Variants in GPCPD1 observed in about 807,000 individuals in gnomAD.
The protein encoded by GPCPD1 is glycerophosphocholine phosphodiesterase 1, also known as glycerophosphocholine phosphodiesterase GPCPD1.
In GPCPD1, 29 loss-of-function variants were observed where a neutral mutation model predicts 89.2. The observed-to-expected ratio is 0.33, with a 90% CI of 0.24 to 0.44. The LOEUF (loss-of-function observed/expected upper bound fraction) is 0.44, where lower values mean the gene tolerates loss of function less well. Ranked by LOEUF, GPCPD1 falls within the 20% of genes least tolerant of loss-of-function variation. The pLI is 1.00. For synonymous variants in GPCPD1, 258 were observed against 266.3 expected, an observed-to-expected ratio of 0.97 and a Z score of 0.30; for missense variants, 594 against 808.9, an observed-to-expected ratio of 0.73 and a Z score of 3.22.
intron 11 of GPCPD1, among the ~76,000 whole-genome samples, chr20:5,571,282 C>T (rs1600740457): frequency 6.6e-6 from 1 of 152,280 alleles, no homozygotes; most frequent in East Asian, 1.9e-4. Context: ...ACCCTTTCTA[C>T]CAAAGAGGAC....
chr20:5,554,649 C>T (rs1179381404), intron 19 of GPCPD1, among the ~76,000 whole-genome samples: 2 of 152,198 alleles, frequency 1.3e-5, no homozygotes, highest in African/African-American at 4.8e-5. Flanking sequence ...TGCACCTGGT[C>T]ACCCAAGAAC....
chr20:5,547,008 T>C lies in GPCPD1; in HGVS notation c.*653A>G, dbSNP rs547885300. ...ATACATTAAATTACCCTGCAGCATT[T>C]TGAAATTTTAACATTGATGTAAAAC... On this transcript the variant is annotated 3_prime_UTR_variant, in exon 20 of 20. Coordinates refer to ENST00000379019, the MANE Select transcript of GPCPD1 (RefSeq NM_019593.5). 3 of 152,804 alleles carry C rather than the reference T, an allele frequency of 2.0e-5. No homozygotes were observed. The highest frequency in any genetic ancestry group is 3.4e-3 in the Middle Eastern group (1 of 294). The allele number at this position is 152,804 out of a possible 1,614,324, so 9.5% of individuals were successfully genotyped here. A position where few individuals can be genotyped will look rare whatever the true frequency, so the allele number is the denominator to read the frequency against.
chr20:5,571,319 A>C (rs1435844093), intron 11 of GPCPD1, among the ~76,000 whole-genome samples: 1 of 152,258 alleles, frequency 6.6e-6, no homozygotes, highest in Non-Finnish European at 1.5e-5. Context: ...AAGTAGTTCT[A>C]ACTATTAAAC....
intron 5 of GPCPD1, chr20:5,585,562 A>G (rs991900063): frequency 6.6e-6 from 1 of 151,698 alleles, no homozygotes; most frequent in African/African-American, 2.4e-5. Flanking sequence ...ATGAAGAGAA[A>G]TGCCATATTT....
intron 7 of GPCPD1, among the ~76,000 whole-genome samples, chr20:5,579,690 C>A (rs750002371): frequency 3.3e-5 from 5 of 152,122 alleles, no homozygotes; most frequent in African/African-American, 7.2e-5. Context: ...CCAACACGCC[C>A]GACACATTAT....
intron 1 of GPCPD1, among the ~76,000 whole-genome samples, chr20:5,609,923 G>C (rs908432415): frequency 6.6e-5 from 10 of 152,170 alleles, no homozygotes; most frequent in Admixed American, 5.2e-4. Flanking sequence ...CGTAGCAAGG[G>C]GAAGCATGAC....
At chr20:5,585,030 AAGTTTC>A (rs1210366421) in intron 5 of GPCPD1, 4 of 152,212 alleles carry the variant, frequency 2.6e-5, no homozygotes, top group Non-Finnish European at 5.9e-5. Context: ...ATTCTCTGGT[AAGTTTC>A]ACACAGCTTT....
At chr20:5,588,855 A>G (rs1979125185) in intron 4 of GPCPD1, among the ~76,000 whole-genome samples, 1 of 140,564 alleles carries the variant, frequency 7.1e-6, no homozygotes, top group Non-Finnish European at 1.7e-5. Context: ...AAAGAAAAAG[A>G]AAAGGGTGCT....
intron 2 of GPCPD1, among the ~76,000 whole-genome samples, chr20:5,603,988 C>T (rs147828925): frequency 0.034 from 5,211 of 152,174 alleles, 179 homozygotes; most frequent in African/African-American, 0.086. Context: ...CTCAAGTGAT[C>T]TACCCGCCTC....
intron 12 of GPCPD1, among the ~76,000 whole-genome samples, 175 bp downstream of exon 12, chr20:5,569,972 A>T (rs755662): frequency 0.54 from 82,585 of 151,922 alleles, 22,680 homozygotes; most frequent in East Asian, 0.63. Context: ...AGTATTCCCA[A>T]CTCATCACTG....
At chr20:5,582,603 T>C (rs781497610) in intron 6 of GPCPD1, among the ~76,000 whole-genome samples, 2 of 152,276 alleles carry the variant, frequency 1.3e-5, no homozygotes, top group Non-Finnish European at 2.9e-5. Flanking sequence ...AAAATGAGGA[T>C]GCAGGCTGGG....
In GPCPD1 at chr20:5,598,745, T is replaced by C. The variant is rs370749780; in HGVS notation, c.126A>G (p.Pro42=). The C allele has an allele frequency of 6.2e-7, 1 of 1,609,522 alleles. No homozygotes were observed. Among genetic ancestry groups the C allele is most frequent in the African/African-American group, 1.3e-5 (1 of 74,854 alleles). ...CTCACCTTTCACCTGTGTCATTCTC[T>C]GGAAGAAGAGCCACAGCATTTTGAG... ...WNPQNAVALL[P]ENDTGESMLW... is the part of the protein sequence containing the mutation. The change falls in exon 3 of 20, where the codon CCA becomes CCG. Residue 42 remains proline (P), a synonymous_variant. Transcript: ENST00000379019.
At chr20:5,548,565 C>A (rs1316793915) in intron 19 of GPCPD1, among the ~76,000 whole-genome samples, 1 of 152,154 alleles carries the variant, frequency 6.6e-6, no homozygotes, top group Non-Finnish European at 1.5e-5. Flanking sequence ...TGAAAAATGA[C>A]CTCTGGGTCA....
intron 4 of GPCPD1, among the ~76,000 whole-genome samples, chr20:5,591,025 A>C (rs543269363): frequency 4.6e-5 from 7 of 152,332 alleles, no homozygotes; most frequent in African/African-American, 1.7e-4. Context: ...ACAGAAAAAA[A>C]AAAGTTGAAA....
At position 5,545,313 on chromosome 20, in the gene GPCPD1, T is replaced by C. The variant is rs1372071133; in HGVS notation, c.*2348A>G. On this transcript the variant is annotated 3_prime_UTR_variant, in exon 20 of 20. Coordinates refer to ENST00000379019, the MANE Select transcript of GPCPD1 (RefSeq NM_019593.5). Reference sequence around the variant, plus strand: ...AGCACTGTGAAAATAAAAATGACTATGACAAGGTCCCTGCCCTTGAAGAGC... The same window carrying C: ...AGCACTGTGAAAATAAAAATGACTACGACAAGGTCCCTGCCCTTGAAGAGC... 1 of 152,160 alleles carries C rather than the reference T, an allele frequency of 6.6e-6. No individual in the cohort carries two copies. The highest frequency in any genetic ancestry group is 1.5e-5 in the Non-Finnish European group (1 of 68,028). 9.4% of individuals were successfully genotyped at this position (152,160 alleles called of 1,614,324 possible).
intron 19 of GPCPD1, among the ~76,000 whole-genome samples, chr20:5,557,089 G>A (rs1985815674): frequency 6.6e-6 from 1 of 152,222 alleles, no homozygotes; most frequent in Admixed American, 6.5e-5. Flanking sequence ...GCAGATGGGG[G>A]AATTTTGTGG....
intron 2 of GPCPD1, among the ~76,000 whole-genome samples, chr20:5,599,581 G>A (rs553995427): frequency 2.0e-5 from 3 of 151,944 alleles, no homozygotes; most frequent in Non-Finnish European, 4.4e-5. Flanking sequence ...TGGAGATGGA[G>A]TTTTTCTCTG....
chr20:5,554,518 C>T (rs1367106595), intron 19 of GPCPD1, among the ~76,000 whole-genome samples: 5 of 152,170 alleles, frequency 3.3e-5, no homozygotes, highest in Non-Finnish European at 5.9e-5. Flanking sequence ...TGTCTGTGCT[C>T]CAGAAATGCA....
At chr20:5,579,686 C>T (rs531762990) in intron 7 of GPCPD1, among the ~76,000 whole-genome samples, 13 of 152,192 alleles carry the variant, frequency 8.5e-5, no homozygotes, top group Admixed American at 5.9e-4. Flanking sequence ...TGAGCCAACA[C>T]GCCCGACACA....
Sources: gnomAD v4.1 joint callset for allele counts (sites outside exome capture counted in the v4.1 genomes callset) on GRCh38, gnomAD v4.1.1 for gene constraint, MANE v1.5 for transcripts, NCBI Gene and HGNC (gene_info 2026-07-23, HGNC 2026-07-21) for gene names.